The following KCTD16 variants were observed in gnomAD, a reference collection of about 807,000 sequenced individuals.
KCTD16 encodes the protein BTB/POZ domain-containing protein KCTD16.
KCTD16 carries 13 observed loss-of-function variants against 33.2 expected under a neutral mutation model. The observed-to-expected ratio is 0.39, with a 90% CI of 0.25 to 0.62. The LOEUF is 0.62. KCTD16 is among the 20% of genes least tolerant of loss of function. The pLI, the probability that KCTD16 is intolerant of heterozygous loss-of-function variation, is 0.50. For missense variants in KCTD16, 441 were observed against 525.1 expected, an observed-to-expected ratio of 0.84 and a Z score of 1.57; for synonymous variants, 197 against 195.3, an observed-to-expected ratio of 1.01 and a Z score of -0.07.
At chr5:144,449,442 AGTGATCT>A (rs1408560482) in intron 3 of KCTD16, among the ~76,000 whole-genome samples, 1 of 152,068 alleles carries the variant, frequency 6.6e-6, no homozygotes. Context: ...AAATAACCAA[AGTGATCT>A]TGTGAAAGAA....
intron 3 of KCTD16, among the ~76,000 whole-genome samples, chr5:144,250,863 T>C (rs1180644016): frequency 6.6e-6 from 1 of 152,214 alleles, no homozygotes; most frequent in Non-Finnish European, 1.5e-5. Context: ...ATTGCATTCA[T>C]GATATATTTA....
intron 3 of KCTD16, among the ~76,000 whole-genome samples, chr5:144,240,948 C>T (rs1754385383): frequency 6.6e-6 from 1 of 152,040 alleles, no homozygotes. Flanking sequence ...TGAGGAGATA[C>T]AAGAAGTATA....
At chr5:144,365,922 T>C (rs546678444) in intron 3 of KCTD16, among the ~76,000 whole-genome samples, 26 of 152,352 alleles carry the variant, frequency 1.7e-4, no homozygotes, top group Non-Finnish European at 3.2e-4. Flanking sequence ...GTAAAAATTG[T>C]GAGCTATTTA....
intron 3 of KCTD16, among the ~76,000 whole-genome samples, chr5:144,390,570 C>A (rs1038684657): frequency 1.3e-5 from 2 of 151,824 alleles, no homozygotes; most frequent in Non-Finnish European, 2.9e-5. Flanking sequence ...GATACATGTG[C>A]AGAACATGCA....
chr5:144,201,553 A>G (rs190691137), intron 2 of KCTD16, among the ~76,000 whole-genome samples: 160 of 152,366 alleles, frequency 1.1e-3, no homozygotes, highest in Admixed American at 2.7e-3. Context: ...AGCACTTGCT[A>G]AAAGCCATGG....
At chr5:144,469,190 C>T (rs988851428) in intron 3 of KCTD16, among the ~76,000 whole-genome samples, 3 of 152,152 alleles carry the variant, frequency 2.0e-5, no homozygotes, top group Non-Finnish European at 2.9e-5. Flanking sequence ...CAATCTTTAT[C>T]CTGAAGGGCT....
intron 3 of KCTD16, among the ~76,000 whole-genome samples, chr5:144,296,481 G>A (rs1038332865): frequency 6.6e-6 from 1 of 151,990 alleles, no homozygotes; most frequent in African/African-American, 2.4e-5. Flanking sequence ...CAGTTCTCTG[G>A]GGGCCAGTGG....
intron 3 of KCTD16, among the ~76,000 whole-genome samples, chr5:144,370,517 G>A (rs1751944141): frequency 6.6e-6 from 1 of 152,148 alleles, no homozygotes; most frequent in Admixed American, 6.5e-5. Flanking sequence ...GGTGCCAGAA[G>A]GGACCGGATC....
At chr5:144,295,983 G>A (rs1181829842) in intron 3 of KCTD16, among the ~76,000 whole-genome samples, 1 of 152,202 alleles carries the variant, frequency 6.6e-6, no homozygotes, top group African/African-American at 2.4e-5. Context: ...GACCTATAGA[G>A]ACCTGTAAGG....
intron 2 of KCTD16, among the ~76,000 whole-genome samples, chr5:144,195,058 C>G (rs763408935): frequency 6.6e-6 from 1 of 152,154 alleles, no homozygotes; most frequent in Non-Finnish European, 1.5e-5. Flanking sequence ...TTGCTTACAC[C>G]GTCAGCTTCC....
chr5:144,473,773 G>A lies in KCTD16; in HGVS notation c.946G>A (p.Asp316Asn), dbSNP rs750586344. The A allele has an allele frequency of 2.9e-5, 47 of 1,613,886 alleles. 1 individual carries two copies. The South Asian group carries it at 3.0e-4, about 10-fold the overall frequency. The change falls in exon 4 of 4, where the codon GAC (aspartate) becomes AAC (asparagine). Residue 316 changes from aspartate (D) to asparagine (N), a missense_variant. Around this residue, in one of 3 missense-constraint regions of KCTD16, gnomAD observed 355 missense variants for 413.0 expected, o/e 0.86. Transcript: ENST00000512467. ...SCNDLSTSSC[D>N]SQSEASSPQE... ...CAATGACCTCTCCACATCTAGCTGC[G>A]ACAGCCAGTCTGAGGCCAGCTCTCC...
chr5:144,418,900 C>T (rs1022187654), intron 3 of KCTD16, among the ~76,000 whole-genome samples: 2 of 152,152 alleles, frequency 1.3e-5, no homozygotes, highest in Non-Finnish European at 2.9e-5. Flanking sequence ...TACACCCTAA[C>T]TTTTACAACC....
chr5:144,348,595 A>G (rs1752868783), intron 3 of KCTD16, among the ~76,000 whole-genome samples: 1 of 152,194 alleles, frequency 6.6e-6, no homozygotes, highest in Non-Finnish European at 1.5e-5. Flanking sequence ...CCTGTTTGAG[A>G]AGCCCTGTAG....
At chr5:144,430,971 T>C (rs1753445557) in intron 3 of KCTD16, among the ~76,000 whole-genome samples, 2 of 152,096 alleles carry the variant, frequency 1.3e-5, no homozygotes, top group African/African-American at 4.8e-5. Flanking sequence ...AACATAAATA[T>C]TCCATATTTT....
intron 3 of KCTD16, among the ~76,000 whole-genome samples, chr5:144,314,788 GAAATGGAAAACA>G (rs2126880085): frequency 6.6e-6 from 1 of 152,238 alleles, no homozygotes; most frequent in African/African-American, 2.4e-5. Flanking sequence ...ACGCATACAC[GAAATGGAAAACA>G]AGACAGTACA....
chr5:144,395,841 A>G (rs1281544109), intron 3 of KCTD16, among the ~76,000 whole-genome samples: 2 of 152,158 alleles, frequency 1.3e-5, no homozygotes, highest in African/African-American at 4.8e-5. Context: ...TCTGCTGCTC[A>G]GGATGTCTGT....
At chr5:144,205,406 G>T (rs1561528004) in intron 2 of KCTD16, 1 of 397,890 alleles carries the variant, frequency 2.5e-6, no homozygotes, top group Non-Finnish European at 4.4e-6. Flanking sequence ...AACTGCACTG[G>T]GAACTGTGGA....
At chr5:144,408,281 T>C (rs1561596884) in intron 3 of KCTD16, among the ~76,000 whole-genome samples, 1 of 152,302 alleles carries the variant, frequency 6.6e-6, no homozygotes, top group East Asian at 1.9e-4. Context: ...TCCTTGTAAA[T>C]AATCACTGGC....
At chr5:144,397,579 T>G (rs1296450846) in intron 3 of KCTD16, among the ~76,000 whole-genome samples, 1 of 152,174 alleles carries the variant, frequency 6.6e-6, no homozygotes, top group East Asian at 1.9e-4. Flanking sequence ...CCACATCCTC[T>G]CCAGCACCTG....
Sources: allele counts gnomAD v4.1 joint callset (sites outside exome capture counted in the v4.1 genomes callset), GRCh38; gene constraint gnomAD v4.1.1; regional missense constraint gnomAD v4.1.1; transcripts MANE v1.5; gene names NCBI Gene and HGNC (gene_info 2026-07-23, HGNC 2026-07-21).